Variants in SPEG observed in about 807,000 individuals in gnomAD.
SPEG encodes the protein striated muscle preferentially expressed protein kinase.
Under a neutral mutation model 300.4 loss-of-function variants are expected in SPEG, and 114 were observed. That is an observed-to-expected ratio of 0.38 (90% confidence interval 0.33 to 0.44). SPEG has a LOEUF of 0.44. Among genes scored for constraint, SPEG ranks in the 20% least tolerant of loss-of-function variants. SPEG has a pLI of 1.00. For missense variants in SPEG, 4,201 were observed against 4,586.2 expected (o/e 0.92, Z 2.43); for synonymous variants, 1,964 against 2,018.9 (o/e 0.97, Z 0.73).
In SPEG at chr2:219,479,096, G is replaced by A. The variant is rs776009177; in HGVS notation, c.5028-48G>A. On this transcript the variant is annotated intron_variant, in intron 22 of 40. Coordinates refer to ENST00000312358, the MANE Select transcript of SPEG (RefSeq NM_005876.5). The surrounding 1 kb of genome is among the most constrained non-coding windows in gnomAD (Gnocchi z 5.5). ...GGGACCTGCCCTGAGCGCTGGGCTG[G>A]GCCGGGCAGTTGGCACTGGGCACTG... The A allele has an allele frequency of 1.2e-5, 19 of 1,572,062 alleles. No individual in the cohort carries two copies. The Admixed American group carries it at 3.2e-4, about 26-fold the overall frequency.
In SPEG at chr2:219,443,463, G is replaced by A. The variant is rs932222508; in HGVS notation, c.389-1190G>A. The A allele has an allele frequency of 2.4e-6, 1 of 423,546 alleles. No homozygotes were observed. Among genetic ancestry groups the A allele is most frequent in the Non-Finnish European group, 4.3e-6 (1 of 232,946 alleles). 26.2% of individuals were successfully genotyped at this position (423,546 alleles called of 1,614,324 possible). ...CCAGTACGTGGCTCCTGCTTGTCAT[G>A]GCAGCCAGAGGGAAACTGAGGCACA... On this transcript the variant is annotated intron_variant, in intron 1 of 40. Transcript: ENST00000312358. This position sits in a 1 kb window ranked among gnomAD's most constrained non-coding sequence, Gnocchi z 4.6.
intron 31 of SPEG, 33 bp downstream of exon 31, chr2:219,485,510 T>C: frequency 6.6e-7 from 1 of 1,512,538 alleles, no homozygotes; most frequent in Non-Finnish European, 8.9e-7. Context: ...AGGACCCTCC[T>C]CCCCTCCTGC....
In SPEG at chr2:219,473,363, A is replaced by C; in HGVS notation, c.4148-141A>C. On this transcript the variant is annotated intron_variant, in intron 16 of 40. Coordinates refer to ENST00000312358, the MANE Select transcript of SPEG (RefSeq NM_005876.5). The surrounding 1 kb of genome is among the most constrained non-coding windows in gnomAD (Gnocchi z 4.6). ...TGCTCTCTGGCTGTGTTCCCCTGAC[A>C]AATCGCTAAACCTCTCTGAGCTTCA... 1.1e-6 allele frequency: 1 copy of C among 912,480 alleles called. No individual in the cohort carries two copies. Among genetic ancestry groups the C allele is most frequent in the African/African-American group, 1.7e-5 (1 of 60,340 alleles). 56.5% of individuals were successfully genotyped at this position (912,480 alleles called of 1,614,324 possible). A position where few individuals can be genotyped will look rare whatever the true frequency, so the allele number is the denominator to read the frequency against.
At chr2:219,491,023 A>G in intron 38 of SPEG, 67 bp downstream of exon 38, 1 of 1,227,510 alleles carries the variant, frequency 8.1e-7, no homozygotes, top group South Asian at 1.3e-5. Context: ...GCCAGGGCTC[A>G]CCCCACTTCA....
chr2:219,459,106 C>T lies in SPEG; in HGVS notation c.2441-2776C>T, dbSNP rs16859931. Among the ~76,000 whole-genome samples the T allele has an allele frequency of 1.4e-4, 22 of 152,112 alleles. No individual in the cohort carries two copies. Among genetic ancestry groups the T allele is most frequent in the Non-Finnish European group, 2.2e-4 (15 of 68,036 alleles). On this transcript the variant is annotated intron_variant, in intron 6 of 40. Transcript: ENST00000312358. This position sits in a 1 kb window ranked among gnomAD's most constrained non-coding sequence, Gnocchi z 4.9. ...AGTATTTTCATCAAATGAGTTTGACCTGAGAGTGATGTTGAAAGGGCAGAC... is the reference window on the plus strand; with the variant it reads ...AGTATTTTCATCAAATGAGTTTGACTTGAGAGTGATGTTGAAAGGGCAGAC...
intron 1 of SPEG, among the ~76,000 whole-genome samples, chr2:219,440,158 G>A (rs1459154267): frequency 2.0e-5 from 3 of 152,210 alleles, no homozygotes; most frequent in Non-Finnish European, 2.9e-5. Flanking sequence ...CGAGGCAGGA[G>A]AATAGCTTGA....
rs779839483 is a variant in SPEG, at chr2:219,443,283, T to C, written c.389-1370T>C. ...ACCCTCCCACTCACCCCCACACTTA[T>C]CTACCACCCACCCGACCAGGCCCCC... On this transcript the variant is annotated intron_variant, in intron 1 of 40. Transcript: ENST00000312358. This position sits in a 1 kb window ranked among gnomAD's most constrained non-coding sequence, Gnocchi z 4.6. 2.1e-6 allele frequency: 2 copies of C among 941,162 alleles called. No individual in the cohort carries two copies. Among genetic ancestry groups the C allele is most frequent in the South Asian group, 1.3e-5 (1 of 76,936 alleles). 58.3% of individuals were successfully genotyped at this position (941,162 alleles called of 1,614,324 possible). A position where few individuals can be genotyped will look rare whatever the true frequency, so the allele number is the denominator to read the frequency against.
Position 219,489,357 on chromosome 2 carries a change from C to A in SPEG, c.8339C>A (p.Ala2780Asp). 1 of 1,613,614 alleles carries A rather than the reference C, an allele frequency of 6.2e-7. No individual in the cohort carries two copies. Among genetic ancestry groups the A allele is most frequent in the Non-Finnish European group, 8.5e-7 (1 of 1,179,892 alleles). ...TTAGATTCTTCAGCTGTGCCATCTG[C>A]TGCCCACCAAGAGGCCCCTGTCACC... ...GTQDSSAVPS[A>D]AHQEAPVTSR... The change falls in exon 36 of 41, where the codon GCT becomes GAT. Residue 2780 changes from alanine (A) to aspartate (D), a missense_variant. Physicochemically the swap from Ala to Asp is moderately radical, Grantham distance 126. Transcript: ENST00000312358.
rs764489446 is a variant in SPEG, at chr2:219,449,007, G to T, written c.1849G>T (p.Asp617Tyr). The change falls in exon 4 of 41, where the codon GAT becomes TAT. Residue 617 changes from aspartate (D) to tyrosine (Y), a missense_variant. Asp to Tyr is a radical substitution (Grantham distance 160). Around this residue, in one of 4 missense-constraint regions of SPEG, gnomAD observed 1,258 missense variants for 1,293.9 expected, o/e 0.97. Transcript: ENST00000312358. The stretch of plus-strand genomic sequence containing the variant: ...GAGCCCTGTGCCGCCCCCCGCCGCC[G>T]ATCCCCCAGAGGCCAGGACGAAAGC... ...CRSPVPPPAA[D>Y]PPEARTKAPP... 6.8e-7 allele frequency: 1 copy of T among 1,478,434 alleles called. No homozygotes were observed. Among genetic ancestry groups the T allele is most frequent in the South Asian group, 1.3e-5 (1 of 74,076 alleles). 91.6% of individuals were successfully genotyped at this position (1,478,434 alleles called of 1,614,324 possible).
Position 219,473,394 on chromosome 2 carries a change from C to T in SPEG, c.4148-110C>T, listed in dbSNP as rs577120583. On this transcript the variant is annotated intron_variant, in intron 16 of 40. Transcript: ENST00000312358. This position sits in a 1 kb window ranked among gnomAD's most constrained non-coding sequence, Gnocchi z 4.6. ...CTAAACCTCTCTGAGCTTCAGCTTTCCCATCTGTAAAAACGGAACTCAAGT... is the reference window on the plus strand; with the variant it reads ...CTAAACCTCTCTGAGCTTCAGCTTTTCCATCTGTAAAAACGGAACTCAAGT... 2 of 1,101,388 alleles carry T rather than the reference C, an allele frequency of 1.8e-6. No individual in the cohort carries two copies. The highest frequency in any genetic ancestry group is 2.4e-5 in the East Asian group (1 of 41,566). 68.2% of individuals were successfully genotyped at this position (1,101,388 alleles called of 1,614,324 possible). A position where few individuals can be genotyped will look rare whatever the true frequency, so the allele number is the denominator to read the frequency against.
At position 219,480,292 on chromosome 2, in the gene SPEG, TC is replaced by T. The variant is rs1317114151; in HGVS notation, c.5342+154del. ...TTGCAGGGTCTCCTGCCCATGTTAC[TC>T]CTTGCCCCTTGTGAGTCAGGGCTGC... On this transcript the variant is annotated intron_variant, in intron 25 of 40. Coordinates refer to ENST00000312358, the MANE Select transcript of SPEG (RefSeq NM_005876.5). The surrounding 1 kb of genome is among the most constrained non-coding windows in gnomAD (Gnocchi z 5.3). 4 of 836,192 alleles carry T rather than the reference TC, an allele frequency of 4.8e-6. No homozygotes were observed. Among genetic ancestry groups the T allele is most frequent in the Non-Finnish European group, 5.5e-6 (3 of 540,722 alleles). The allele number at this position is 836,192 out of a possible 1,614,324, so 51.8% of individuals were successfully genotyped here. A position where few individuals can be genotyped will look rare whatever the true frequency, so the allele number is the denominator to read the frequency against.
At chr2:219,467,948 C>T (rs996337446) in intron 10 of SPEG, among the ~76,000 whole-genome samples, 3 of 152,230 alleles carry the variant, frequency 2.0e-5, no homozygotes, top group African/African-American at 7.2e-5. Context: ...GCCATTGTTA[C>T]CACTGATGCT....
At chr2:219,435,610 C>T (rs113696658) in intron 1 of SPEG, among the ~76,000 whole-genome samples, 9 of 152,344 alleles carry the variant, frequency 5.9e-5, no homozygotes, top group African/African-American at 1.7e-4. Context: ...GGTTGATAAG[C>T]CAAGCCTGAG....
chr2:219,471,557 G>A, intron 13 of SPEG: 1 of 384,802 alleles, frequency 2.6e-6, no homozygotes, highest in Non-Finnish European at 4.8e-6. Flanking sequence ...GTCAACAGAG[G>A]CAGGGACCCC....
chr2:219,434,932 G>A lies in SPEG; in HGVS notation c.-46G>A, dbSNP rs915294074. 4 of 1,439,912 alleles carry A rather than the reference G, an allele frequency of 2.8e-6. No individual in the cohort carries two copies. The African/African-American group carries it at 6.0e-5, about 22-fold the overall frequency. 89.2% of individuals were successfully genotyped at this position (1,439,912 alleles called of 1,614,324 possible). On this transcript the variant is annotated 5_prime_UTR_variant, in exon 1 of 41. The change creates a new upstream start codon in the 5' untranslated region. Coordinates refer to ENST00000312358, the MANE Select transcript of SPEG (RefSeq NM_005876.5). The stretch of plus-strand genomic sequence containing the variant: ...AGGGCACCGTCCCGCGGGTGCCCCC[G>A]TGGCCGCCCAGTTCCGGCGTCCCCC...
At chr2:219,438,235 G>A (rs1246859737) in intron 1 of SPEG, among the ~76,000 whole-genome samples, 7 of 152,152 alleles carry the variant, frequency 4.6e-5, no homozygotes, top group Non-Finnish European at 7.4e-5. Flanking sequence ...CTTAACATGC[G>A]TAAGTACCCT....
intron 18 of SPEG, among the ~76,000 whole-genome samples, chr2:219,474,795 CTTTTT>C (rs34814828): frequency 6.3e-5 from 7 of 110,390 alleles, no homozygotes; most frequent in Admixed American, 9.3e-5. Context: ...AGCAAGGATT[CTTTTT>C]TTTTTTTTTT....
chr2:219,449,585 G>A (rs1217348662), intron 4 of SPEG, among the ~76,000 whole-genome samples: 1 of 152,154 alleles, frequency 6.6e-6, no homozygotes, highest in Non-Finnish European at 1.5e-5. Context: ...CCAGTGGCCT[G>A]CTAGGCTGTT....
At position 219,449,044 on chromosome 2, in the gene SPEG, G is replaced by A; in HGVS notation, c.1886G>A (p.Arg629Gln). The change falls in exon 4 of 41, where the codon CGG becomes CAG. Residue 629 changes from arginine (R) to glutamine (Q), a missense_variant. By Grantham distance (43) the Arg-to-Gln change is conservative. This residue lies in a region of SPEG where 1,258 missense variants were observed against 1,293.9 expected (regional missense o/e 0.97). Coordinates refer to ENST00000312358, the MANE Select transcript of SPEG (RefSeq NM_005876.5). ...GCCAGGACGAAAGCACCCCCCGGTC[G>A]GAAGCGGGAGCCCCCGGCGCAGGCC... is the stretch of plus-strand genomic sequence containing the variant. ...PEARTKAPPG[R>Q]KREPPAQAVR... The A allele has an allele frequency of 6.6e-7, 1 of 1,518,650 alleles. No homozygotes were observed. The highest frequency in any genetic ancestry group is 8.8e-7 in the Non-Finnish European group (1 of 1,133,136). 94.1% of individuals were successfully genotyped at this position (1,518,650 alleles called of 1,614,324 possible). A position where few individuals can be genotyped will look rare whatever the true frequency, so the allele number is the denominator to read the frequency against.
Sources: gnomAD v4.1 joint callset for allele counts (sites outside exome capture counted in the v4.1 genomes callset) on GRCh38, gnomAD v4.1.1 for gene constraint, gnomAD v4.1.1 regional missense constraint, Gnocchi (gnomAD v3.1) non-coding constraint, MANE v1.5 for transcripts, NCBI Gene and HGNC (gene_info 2026-07-23, HGNC 2026-07-21) for gene names.